The following NYAP1 variants were observed in gnomAD, a reference collection of about 807,000 sequenced individuals.
The protein encoded by NYAP1 is neuronal tyrosine-phosphorylated phosphoinositide-3-kinase adapter 1.
In NYAP1, 20 loss-of-function variants were observed where a neutral mutation model predicts 58.6. The ratio of observed to expected loss-of-function variants is 0.34; its 90% confidence interval spans 0.24 to 0.50. NYAP1 has a LOEUF of 0.50. Among genes scored for constraint, NYAP1 ranks in the 20% least tolerant of loss-of-function variants. The pLI is 0.98. For synonymous variants in NYAP1, 572 were observed against 523.1 expected (o/e 1.09, Z -1.27); for missense variants, 1,150 against 1,194.5 (o/e 0.96, Z 0.55).
In NYAP1 at chr7:100,489,554, C is replaced by T. The variant is rs758348520; in HGVS notation, c.1833C>T (p.Ser611=). The T allele has an allele frequency of 1.1e-5, 18 of 1,613,210 alleles. No homozygotes were observed. The South Asian group carries it at 1.3e-4, about 12-fold the overall frequency. The part of the protein sequence containing the change: ...ASISCAHVIA[S]AGTPEEEEEE... ...TCTCCTGTGCCCACGTCATCGCCAGCGCAGGGACACCAGAGGAGGAAGAAG... is the reference window on the plus strand; with the variant it reads ...TCTCCTGTGCCCACGTCATCGCCAGTGCAGGGACACCAGAGGAGGAAGAAG... Residue 611 remains serine (S), a synonymous_variant, in exon 4 of 7, where the codon AGC becomes AGT. Coordinates refer to ENST00000300179, the MANE Select transcript of NYAP1 (RefSeq NM_173564.4).
Position 100,489,471 on chromosome 7 carries a change from C to G in NYAP1, c.1750C>G (p.Pro584Ala). The change falls in exon 4 of 7, where the codon CCC (proline) becomes GCC (alanine). Residue 584 changes from proline (P) to alanine (A), a missense_variant. Coordinates refer to ENST00000300179, the MANE Select transcript of NYAP1 (RefSeq NM_173564.4). ...NKGCGVGAPS[P>A]MVKIQLQEQG... ...GGGCTGTGGTGTGGGGGCCCCATCC[C>G]CCATGGTCAAGATCCAGCTGCAGGA... 1 of 1,613,140 alleles carries G rather than the reference C, an allele frequency of 6.2e-7. No homozygotes were observed. The highest frequency in any genetic ancestry group is 8.5e-7 in the Non-Finnish European group (1 of 1,179,926).
chr7:100,488,577 A>ACATCCC lies in NYAP1; in HGVS notation c.858_863dup (p.Ser287_Pro288dup). ...CAATGGCCCTCCACCATTGACGGCAACATCCCCGCCACAACAGCCTCACGC... is the reference window on the plus strand; with the variant it reads ...CAATGGCCCTCCACCATTGACGGCAACATCCCCATCCCCGCCACAACAGCCTCACGC... On this transcript the variant is annotated inframe_insertion, in exon 4 of 7. Coordinates refer to ENST00000300179, the MANE Select transcript of NYAP1 (RefSeq NM_173564.4). This position sits in a 1 kb window ranked among gnomAD's most constrained non-coding sequence, Gnocchi z 5.9. 6.3e-7 allele frequency: 1 copy of ACATCCC among 1,594,558 alleles called. No homozygotes were observed. The highest frequency in any genetic ancestry group is 8.5e-7 in the Non-Finnish European group (1 of 1,171,288).
chr7:100,490,912 G>A lies in NYAP1; in HGVS notation c.2159-74G>A. 1 of 1,138,282 alleles carries A rather than the reference G, an allele frequency of 8.8e-7. No individual in the cohort carries two copies. The highest frequency in any genetic ancestry group is 1.3e-6 in the Non-Finnish European group (1 of 795,814). The allele number at this position is 1,138,282 out of a possible 1,614,324, so 70.5% of individuals were successfully genotyped here. On this transcript the variant is annotated intron_variant, in intron 5 of 6. Coordinates refer to ENST00000300179, the MANE Select transcript of NYAP1 (RefSeq NM_173564.4). This position sits in a 1 kb window ranked among gnomAD's most constrained non-coding sequence, Gnocchi z 4.6. ...GGCAGGGGCAGCCTGGACCATTCAA[G>A]GGCAGGGGACTGGGAACTAGGGGAG...
In NYAP1 at chr7:100,487,384, C is replaced by A. The variant is rs1261746964; in HGVS notation, c.430+202C>A. Among the ~76,000 whole-genome samples, 1 of 152,124 alleles carries A rather than the reference C, an allele frequency of 6.6e-6. No individual in the cohort carries two copies. The highest frequency in any genetic ancestry group is 1.5e-5 in the Non-Finnish European group (1 of 68,026). On this transcript the variant is annotated intron_variant, in intron 3 of 6. Transcript: ENST00000300179. The surrounding 1 kb of genome is among the most constrained non-coding windows in gnomAD (Gnocchi z 4.1). The stretch of plus-strand genomic sequence containing the variant: ...GGCAGGGGACACTCCCTGAAAAGTT[C>A]TTGAGAAAGGGGTGGTGGCCTCAGA...
Position 100,486,190 on chromosome 7 carries a change from G to GC in NYAP1, c.69-624dup, listed in dbSNP as rs942577982. On this transcript the variant is annotated intron_variant, in intron 2 of 6. Transcript: ENST00000300179. This position sits in a 1 kb window ranked among gnomAD's most constrained non-coding sequence, Gnocchi z 6.2. ...AGCTCTCCTCTCTTCCCTGCCAGCC[G>GC]CCCCCCCAACCCTCTGCCACCCTCC... Among the ~76,000 whole-genome samples the GC allele has an allele frequency of 5.0e-4, 76 of 151,838 alleles. No homozygotes were observed. Among genetic ancestry groups the GC allele is most frequent in the Non-Finnish European group, 9.3e-4 (63 of 67,976 alleles).
In NYAP1 at chr7:100,490,093, A is replaced by G. The variant is rs1361747382; in HGVS notation, c.1946-424A>G. 6.6e-6 allele frequency among the ~76,000 whole-genome samples: 1 copy of G among 152,042 alleles called. No homozygotes were observed. Among genetic ancestry groups the G allele is most frequent in the African/African-American group, 2.4e-5 (1 of 41,388 alleles). On this transcript the variant is annotated intron_variant, in intron 4 of 6. Transcript: ENST00000300179. The surrounding 1 kb of genome is among the most constrained non-coding windows in gnomAD (Gnocchi z 4.6). ...AATGCTCTGCCAGGCCTCCTCTCAG[A>G]GATGAGCTTAGTTCACAGGCAGCCC...
chr7:100,492,952 GAA>G (rs1245394515), intron 6 of NYAP1, among the ~76,000 whole-genome samples: 2 of 151,010 alleles, frequency 1.3e-5, no homozygotes, highest in African/African-American at 2.4e-5. Context: ...GAGAAGGAGA[GAA>G]AGAGAGAAAG....
At chr7:100,484,655 G>C (rs1799681284) in intron 1 of NYAP1, among the ~76,000 whole-genome samples, 1 of 152,076 alleles carries the variant, frequency 6.6e-6, no homozygotes, top group Non-Finnish European at 1.5e-5. Context: ...AAGATAGGGG[G>C]GAGAGTCTGA....
rs928247824 is a variant in NYAP1, at chr7:100,486,319, A to G, written c.69-502A>G. Among the ~76,000 whole-genome samples, 3 of 152,060 alleles carry G rather than the reference A, an allele frequency of 2.0e-5. No homozygotes were observed. The highest frequency in any genetic ancestry group is 4.4e-5 in the Non-Finnish European group (3 of 68,000). On this transcript the variant is annotated intron_variant, in intron 2 of 6. Transcript: ENST00000300179. The surrounding 1 kb of genome is among the most constrained non-coding windows in gnomAD (Gnocchi z 6.2). The stretch of plus-strand genomic sequence containing the variant: ...GGAGAGGGAGGAAGAAGGATGGGCC[A>G]GGGAGGGAGGCTGCTCTGGTCCTGG...
intron 6 of NYAP1, 121 bp from the exon 7 acceptor site, chr7:100,493,525 G>A (rs900604330): frequency 3.1e-5 from 28 of 912,354 alleles, no homozygotes; most frequent in Non-Finnish European, 4.1e-5. Flanking sequence ...GAGGCCGTTG[G>A]GGGGCAAGCA....
chr7:100,484,959 G>A (rs1212945128), intron 1 of NYAP1, among the ~76,000 whole-genome samples: 1 of 152,086 alleles, frequency 6.6e-6, no homozygotes, highest in Non-Finnish European at 1.5e-5. Flanking sequence ...GGGCCTGTAT[G>A]GGTGGTGGAT....
In NYAP1 at chr7:100,488,926, G is replaced by A. The variant is rs755900669; in HGVS notation, c.1205G>A (p.Arg402Gln). 1.3e-5 allele frequency: 21 copies of A among 1,579,428 alleles called. No individual in the cohort carries two copies. In the Admixed American group the frequency reaches 2.0e-4, roughly 15 times the overall value. Residue 402 changes from arginine (R) to glutamine (Q), a missense_variant, in exon 4 of 7, where the codon CGG becomes CAG. Physicochemically the swap from Arg to Gln is conservative, Grantham distance 43. Coordinates refer to ENST00000300179, the MANE Select transcript of NYAP1 (RefSeq NM_173564.4). This position sits in a 1 kb window ranked among gnomAD's most constrained non-coding sequence, Gnocchi z 5.9. ...CTGCTGCTGCTGGGACCATCGGGCC[G>A]GGCCCGGAGCCACTCGACACCGTTG... ...ANLLLLGPSGRARSHSTPLPP... is the reference protein window; with the variant it reads ...ANLLLLGPSGQARSHSTPLPP...
In NYAP1 at chr7:100,493,896, C is replaced by A. The variant is rs1385158321; in HGVS notation, c.2519C>A (p.Ala840Asp). 6.9e-7 allele frequency: 1 copy of A among 1,454,310 alleles called. No homozygotes were observed. Among genetic ancestry groups the A allele is most frequent in the East Asian group, 2.7e-5 (1 of 36,538 alleles). The allele number at this position is 1,454,310 out of a possible 1,614,324, so 90.1% of individuals were successfully genotyped here. A position where few individuals can be genotyped will look rare whatever the true frequency, so the allele number is the denominator to read the frequency against. The change falls in exon 7 of 7, where the codon GCC becomes GAC. Residue 840 changes from alanine (A) to aspartate (D), a missense_variant. Ala to Asp is a moderately radical substitution (Grantham distance 126). Transcript: ENST00000300179. Reference sequence around the variant, plus strand: ...CAGCACACGGTCCTCTGGGACACCGCCATCTGAGGCGGGCGGGGGGGTACC... The same window carrying A: ...CAGCACACGGTCCTCTGGGACACCGACATCTGAGGCGGGCGGGGGGGTACC... The part of the protein sequence containing the change: ...RRQHTVLWDT[A>D]I
In NYAP1 at chr7:100,493,925, G is replaced by T; in HGVS notation, c.*22G>T. 7.0e-7 allele frequency: 1 copy of T among 1,420,678 alleles called. No individual in the cohort carries two copies. Among genetic ancestry groups the T allele is most frequent in the East Asian group, 2.8e-5 (1 of 36,012 alleles). 88.0% of individuals were successfully genotyped at this position (1,420,678 alleles called of 1,614,324 possible). On this transcript the variant is annotated 3_prime_UTR_variant, in exon 7 of 7. Transcript: ENST00000300179. ...CTGAGGCGGGCGGGGGGGTACCGGGGCGCCTGGACTGGGGAGGGGGCGGGC... is the reference window on the plus strand; with the variant it reads ...CTGAGGCGGGCGGGGGGGTACCGGGTCGCCTGGACTGGGGAGGGGGCGGGC...
chr7:100,489,478 T>A lies in NYAP1; in HGVS notation c.1757T>A (p.Val586Asp). ...GCGVGAPSPMVKIQLQEQGTD... is the reference protein window; with the variant it reads ...GCGVGAPSPMDKIQLQEQGTD... ...GGTGTGGGGGCCCCATCCCCCATGG[T>A]CAAGATCCAGCTGCAGGAGCAAGGG... is the stretch of plus-strand genomic sequence containing the variant. Residue 586 changes from valine (V) to aspartate (D), a missense_variant, in exon 4 of 7, where the codon GTC becomes GAC. Physicochemically the swap from Val to Asp is radical, Grantham distance 152. Coordinates refer to ENST00000300179, the MANE Select transcript of NYAP1 (RefSeq NM_173564.4). 6.2e-7 allele frequency: 1 copy of A among 1,613,034 alleles called. No individual in the cohort carries two copies. The highest frequency in any genetic ancestry group is 2.2e-5 in the East Asian group (1 of 44,866).
rs2131064849 is a variant in NYAP1, at chr7:100,486,125, G to A, written c.69-696G>A. ...GCTGCAGCGATCTCTCCCTAATGAA[G>A]GGCTAGTAGACAGGGCCTTAATGAG... On this transcript the variant is annotated intron_variant, in intron 2 of 6. Transcript: ENST00000300179. The surrounding 1 kb of genome is among the most constrained non-coding windows in gnomAD (Gnocchi z 6.2). 6.6e-6 allele frequency among the ~76,000 whole-genome samples: 1 copy of A among 152,238 alleles called. No individual in the cohort carries two copies. Among genetic ancestry groups the A allele is most frequent in the Admixed American group, 6.5e-5 (1 of 15,296 alleles).
rs376585576 is a variant in NYAP1, at chr7:100,488,433, C to T, written c.712C>T (p.Pro238Ser). Residue 238 changes from proline (P) to serine (S), a missense_variant, in exon 4 of 7, where the codon CCT (proline) becomes TCT (serine). Physicochemically the swap from Pro to Ser is moderately conservative, Grantham distance 74 (BLOSUM62 -1). Coordinates refer to ENST00000300179, the MANE Select transcript of NYAP1 (RefSeq NM_173564.4). The surrounding 1 kb of genome is among the most constrained non-coding windows in gnomAD (Gnocchi z 5.9). ...AAGTGGAGGAGGCCTGGCTGGGCCC[C>T]CTCTTGGGGGTGGGGGCCCGACCCC... ...GRSGGGLAGP[P>S]LGGGGPTPPA... is the part of the protein sequence containing the mutation. 1.2e-6 allele frequency: 2 copies of T among 1,603,074 alleles called. No homozygotes were observed. Among genetic ancestry groups the T allele is most frequent in the Admixed American group, 1.7e-5 (1 of 57,978 alleles).
chr7:100,490,756 ACAGCGG>A lies in NYAP1; in HGVS notation c.2158+28_2158+33del. On this transcript the variant is annotated intron_variant, in intron 5 of 6. Coordinates refer to ENST00000300179, the MANE Select transcript of NYAP1 (RefSeq NM_173564.4). The surrounding 1 kb of genome is among the most constrained non-coding windows in gnomAD (Gnocchi z 4.6). ...TGACGCGGCCTGCACACACCTGTGC[ACAGCGG>A]GGCTGGCTGGGGGATCTCCCGGGGT... 2 of 1,470,826 alleles carry A rather than the reference ACAGCGG, an allele frequency of 1.4e-6. No individual in the cohort carries two copies. Among genetic ancestry groups the A allele is most frequent in the Non-Finnish European group, 1.8e-6 (2 of 1,106,972 alleles). 91.1% of individuals were successfully genotyped at this position (1,470,826 alleles called of 1,614,324 possible).
Position 100,488,217 on chromosome 7 carries a change from C to CGAA in NYAP1, c.498_500dup (p.Arg166dup), listed in dbSNP as rs777941004. Reference sequence around the variant, plus strand: ...GAAGGTTCCTCCGCAGAAGCCCAGGCGAAGCCCTAACACCCAGCTCTCTGT... The same window carrying CGAA: ...GAAGGTTCCTCCGCAGAAGCCCAGGCGAAGAAGCCCTAACACCCAGCTCTCTGT... On this transcript the variant is annotated inframe_insertion, in exon 4 of 7. Coordinates refer to ENST00000300179, the MANE Select transcript of NYAP1 (RefSeq NM_173564.4). This position sits in a 1 kb window ranked among gnomAD's most constrained non-coding sequence, Gnocchi z 5.9. 1.9e-6 allele frequency: 3 copies of CGAA among 1,613,246 alleles called. No homozygotes were observed. In the East Asian group the frequency reaches 6.7e-5, roughly 36 times the overall value.
Sources: allele counts gnomAD v4.1 joint callset (sites outside exome capture counted in the v4.1 genomes callset), GRCh38; gene constraint gnomAD v4.1.1; non-coding constraint Gnocchi (gnomAD v3.1); transcripts MANE v1.5; gene names NCBI Gene and HGNC (gene_info 2026-07-23, HGNC 2026-07-21).